The following DLGAP2 variants were observed in gnomAD, a reference collection of about 807,000 sequenced individuals.
DLGAP2 encodes disks large-associated protein 2.
Under a neutral mutation model 100.3 loss-of-function variants are expected in DLGAP2, and 26 were observed. The observed-to-expected ratio is 0.26, with a 90% CI of 0.19 to 0.36. The LOEUF is 0.36. Ranked by LOEUF, DLGAP2 falls within the 10% of genes least tolerant of loss-of-function variation. The probability of loss-of-function intolerance (pLI) is 1.00; values close to 1 mark genes in which losing one functional copy is unlikely to be tolerated. For missense variants in DLGAP2, 1,858 were observed against 1,453.2 expected (o/e 1.28, Z -4.53); for synonymous variants, 886 against 630.1 (o/e 1.41, Z -6.08).
chr8:1,470,744 A>AAT (rs1798758132), intron 3 of DLGAP2, among the ~76,000 whole-genome samples: 4 of 254 alleles, frequency 0.016, 1 homozygote, highest in African/African-American at 0.036. Context: ...CCCTTCCCCG[A>AAT]CTCCTTCCCC....
chr8:1,030,768 A>G (rs1393181939), intron 2 of DLGAP2, among the ~76,000 whole-genome samples: 2 of 152,124 alleles, frequency 1.3e-5, no homozygotes, highest in Non-Finnish European at 2.9e-5. Flanking sequence ...GACCCAGGTT[A>G]TTGAGGTTTT....
chr8:913,688 A>G (rs1352455056), intron 2 of DLGAP2, among the ~76,000 whole-genome samples: 1 of 152,246 alleles, frequency 6.6e-6, no homozygotes, highest in African/African-American at 2.4e-5. Context: ...TGCATTTTGC[A>G]GAAGAGAAAA....
intron 2 of DLGAP2, among the ~76,000 whole-genome samples, chr8:1,226,593 G>T (rs1022497774): frequency 6.6e-6 from 1 of 152,168 alleles, no homozygotes; most frequent in African/African-American, 2.4e-5. Flanking sequence ...AAACCTGAAT[G>T]TCGTGTACAT....
chr8:1,187,008 C>G (rs1039396092), intron 2 of DLGAP2, among the ~76,000 whole-genome samples: 10 of 152,136 alleles, frequency 6.6e-5, no homozygotes, highest in African/African-American at 2.4e-4. Flanking sequence ...TAAGCCCGGC[C>G]TCAGTGCAGG....
At chr8:1,409,066 C>G (rs928288092) in intron 3 of DLGAP2, among the ~76,000 whole-genome samples, 1 of 152,150 alleles carries the variant, frequency 6.6e-6, no homozygotes, top group Non-Finnish European at 1.5e-5. Context: ...CAACCCCTTC[C>G]TCACTGTAGC....
At chr8:790,840 G>A (rs567381066) in intron 1 of DLGAP2, among the ~76,000 whole-genome samples, 46 of 152,156 alleles carry the variant, frequency 3.0e-4, no homozygotes, top group African/African-American at 1.1e-3. Flanking sequence ...CGAACTCCTG[G>A]GCTCAAGTGA....
In DLGAP2 at chr8:1,116,343, G is replaced by C. The variant is rs1461323097; in HGVS notation, c.74-142508G>C. Among the ~76,000 whole-genome samples, 4 of 152,218 alleles carry C rather than the reference G, an allele frequency of 2.6e-5. No individual in the cohort carries two copies. The East Asian group carries it at 7.7e-4, about 29-fold the overall frequency. On this transcript the variant is annotated intron_variant, in intron 2 of 14. Transcript: ENST00000637795. The stretch of plus-strand genomic sequence containing the variant: ...CCACAGCCTGGACGAAGAGTGAGCG[G>C]TTGATGCCCGGAAGACTTGGGGTCA...
At position 1,601,806 on chromosome 8, in the gene DLGAP2, A is replaced by C. The variant is rs1041728619; in HGVS notation, c.1443-24934A>C. ...TTGGAGTTGCTGTTTCCTCTCCCTA[A>C]ATGGTTCCTCTCAATCCTTGCATAA... On this transcript the variant is annotated intron_variant, in intron 6 of 14. Transcript: ENST00000637795. Among the ~76,000 whole-genome samples the C allele has an allele frequency of 3.9e-5, 6 of 152,030 alleles. No individual in the cohort carries two copies. The South Asian group carries it at 1.2e-3, about 32-fold the overall frequency.
Position 1,678,293 on chromosome 8 carries a change from A to G in DLGAP2, c.2368A>G (p.Ile790Val), listed in dbSNP as rs1285714765. The G allele has an allele frequency of 6.2e-6, 10 of 1,613,634 alleles. No individual in the cohort carries two copies. The highest frequency in any genetic ancestry group is 5.3e-5 in the African/African-American group (4 of 75,046). ...DLELEGFPGH[I>V]TTEDKGLQFG... ...GGAGCTGGAGGGGTTCCCAGGCCAC[A>G]TCACCACGGAGGACAAAGGCCTTCA... The change falls in exon 12 of 15, where the codon ATC becomes GTC. Residue 790 changes from isoleucine to valine, a missense_variant. Coordinates refer to ENST00000637795, the MANE Select transcript of DLGAP2 (RefSeq NM_001346810.2).
intron 6 of DLGAP2, among the ~76,000 whole-genome samples, chr8:1,588,265 G>A (rs777356806): frequency 1.3e-5 from 2 of 152,084 alleles, no homozygotes; most frequent in Non-Finnish European, 1.5e-5. Flanking sequence ...TATTGAAGGT[G>A]CGACCTTCGA....
At chr8:1,565,271 A>G (rs1291475935) in intron 5 of DLGAP2, among the ~76,000 whole-genome samples, 2 of 150,814 alleles carry the variant, frequency 1.3e-5, no homozygotes, top group African/African-American at 2.4e-5. Flanking sequence ...AGATATAAGT[A>G]TACAATAAGA....
chr8:1,575,544 G>A (rs919768848), intron 6 of DLGAP2, among the ~76,000 whole-genome samples: 1 of 150,178 alleles, frequency 6.7e-6, no homozygotes, highest in Non-Finnish European at 1.5e-5. Flanking sequence ...ATGTATACAT[G>A]TGCCATGTTG....
At chr8:858,474 C>G (rs192144183) in intron 1 of DLGAP2, among the ~76,000 whole-genome samples, 3 of 152,090 alleles carry the variant, frequency 2.0e-5, no homozygotes, top group African/African-American at 7.3e-5. Context: ...GACAGGGAAG[C>G]GCCTCTGTGT....
At chr8:1,270,279 C>T (rs1799554126) in intron 3 of DLGAP2, among the ~76,000 whole-genome samples, 1 of 152,170 alleles carries the variant, frequency 6.6e-6, no homozygotes, top group South Asian at 2.1e-4. Flanking sequence ...GGAGCAACGT[C>T]TGCAGATGTC....
At chr8:1,064,131 T>TG (rs1233418852) in intron 2 of DLGAP2, among the ~76,000 whole-genome samples, 2 of 152,192 alleles carry the variant, frequency 1.3e-5, no homozygotes, top group African/African-American at 4.8e-5. Context: ...GACAATCCAA[T>TG]GGCTGGTGGG....
At chr8:944,738 C>G (rs777259559) in intron 2 of DLGAP2, among the ~76,000 whole-genome samples, 2 of 151,568 alleles carry the variant, frequency 1.3e-5, no homozygotes, top group Non-Finnish European at 2.9e-5. Context: ...CAGCCAATCC[C>G]TGCAGGTGAT....
At chr8:1,696,955 C>T (rs112611268) in intron 13 of DLGAP2, among the ~76,000 whole-genome samples, 192 bp from the exon 14 acceptor site, 17 of 152,292 alleles carry the variant, frequency 1.1e-4, no homozygotes, top group East Asian at 3.9e-4. Flanking sequence ...GTTTTTAGGC[C>T]GACAGCAAAT....
chr8:1,681,043 G>C (rs1410207427), intron 12 of DLGAP2, among the ~76,000 whole-genome samples: 1 of 151,520 alleles, frequency 6.6e-6, no homozygotes, highest in East Asian at 1.9e-4. Flanking sequence ...GGAGGAGAGA[G>C]GAAAAAATTT....
At chr8:1,633,124 C>T (rs1797691045) in intron 8 of DLGAP2, 78 bp downstream of exon 8, 2 of 1,350,748 alleles carry the variant, frequency 1.5e-6, no homozygotes, top group Non-Finnish European at 1.0e-6. Context: ...GAGCGAGCAG[C>T]ACACAGCACC....
Sources: allele counts gnomAD v4.1 joint callset (sites outside exome capture counted in the v4.1 genomes callset), GRCh38; gene constraint gnomAD v4.1.1; transcripts MANE v1.5; gene names NCBI Gene and HGNC (gene_info 2026-07-23, HGNC 2026-07-21).